Variants in ZNF804A observed in about 807,000 individuals in gnomAD.
ZNF804A encodes zinc finger protein 804A.
A neutral mutation model predicts 16.5 loss-of-function variants in ZNF804A; 2 were observed. The ratio of observed to expected loss-of-function variants is 0.12; its 90% CI spans 0.05 to 0.38. The LOEUF (loss-of-function observed/expected upper bound fraction) is 0.38, where lower values mean the gene tolerates loss of function less well. ZNF804A is among the 10% of genes least tolerant of loss of function. The pLI is 0.99. For synonymous variants in ZNF804A, 534 were observed against 489.6 expected (o/e 1.09, Z -1.20); for missense variants, 1,473 against 1,390.7 (o/e 1.06, Z -0.94).
rs149962176 is a variant in ZNF804A at position 184,938,744 on chromosome 2, C to T, written c.3348C>T (p.Ala1116=). The T allele has an allele frequency of 7.5e-5, 121 of 1,606,490 alleles. No homozygotes were observed. Among genetic ancestry groups the T allele is most frequent in the Non-Finnish European group, 9.8e-5 (115 of 1,175,820 alleles). Residue 1116 remains alanine (A), a synonymous_variant, in exon 4 of 4, where the codon GCC becomes GCT. Coordinates refer to ENST00000302277, the MANE Select transcript of ZNF804A (RefSeq NM_194250.2). ...HAAAAAAAAA[A]AAAGTFKVLQ... ...CAGCTGCTGCAGCTGCAGCTGCAGC[C>T]GCAGCTGCAGGAACCTTTAAAGTGC...
rs1469091737 is a variant in ZNF804A at position 184,937,024 on chromosome 2, A to T, written c.1628A>T (p.Asn543Ile). The T allele has an allele frequency of 6.2e-7, 1 of 1,613,184 alleles. No homozygotes were observed. Among genetic ancestry groups the T allele is most frequent in the Non-Finnish European group, 8.5e-7 (1 of 1,179,660 alleles). The change falls in exon 4 of 4, where the codon AAC (asparagine) becomes ATC (isoleucine). Residue 543 changes from asparagine to isoleucine, a missense_variant. By Grantham distance (149) the Asn-to-Ile change is moderately radical. Coordinates refer to ENST00000302277, the MANE Select transcript of ZNF804A (RefSeq NM_194250.2). ...AGTTGTGATTCTGGAAAAAATGAGAACACAGGTCAGAGGTATAAAAACATT... is the reference window on the plus strand; with the variant it reads ...AGTTGTGATTCTGGAAAAAATGAGATCACAGGTCAGAGGTATAAAAACATT... Reference protein sequence around the residue: ...SSSCDSGKNENTGQRYKNISC... With the variant: ...SSSCDSGKNEITGQRYKNISC...
intron 2 of ZNF804A, among the ~76,000 whole-genome samples, chr2:184,894,122 T>C (rs1056551981): frequency 3.3e-5 from 5 of 152,152 alleles, no homozygotes; most frequent in African/African-American, 1.2e-4. Flanking sequence ...AACAAGGTGT[T>C]CCTAGATTTA....
At chr2:184,624,945 A>G (rs2105682475) in intron 1 of ZNF804A, among the ~76,000 whole-genome samples, 1 of 152,262 alleles carries the variant, frequency 6.6e-6, no homozygotes, top group East Asian at 1.9e-4. Flanking sequence ...CCAGTATTAT[A>G]TTACTTACAG....
chr2:184,858,265 A>T lies in ZNF804A; in HGVS notation c.112-8104A>T, dbSNP rs542988728. 3.2e-4 allele frequency among the ~76,000 whole-genome samples: 49 copies of T among 152,154 alleles called. No homozygotes were observed. The South Asian group carries it at 6.9e-3, about 21-fold the overall frequency. Reference sequence around the variant, plus strand: ...ACACCTGTAATCCCAGCAATTTGGGAGGCCGAGGCAGGTGGATCACCTGAG... The same window carrying T: ...ACACCTGTAATCCCAGCAATTTGGGTGGCCGAGGCAGGTGGATCACCTGAG... On this transcript the variant is annotated intron_variant, in intron 1 of 3. Coordinates refer to ENST00000302277, the MANE Select transcript of ZNF804A (RefSeq NM_194250.2).
intron 1 of ZNF804A, among the ~76,000 whole-genome samples, chr2:184,721,368 G>C (rs1693312040): frequency 6.6e-6 from 1 of 151,974 alleles, no homozygotes; most frequent in African/African-American, 2.4e-5. Context: ...CTAATGCCTA[G>C]AATATACAAT....
intron 1 of ZNF804A, among the ~76,000 whole-genome samples, chr2:184,605,672 A>T (rs1471866718): frequency 6.6e-6 from 1 of 152,136 alleles, no homozygotes; most frequent in Non-Finnish European, 1.5e-5. Flanking sequence ...AGAATAAGGG[A>T]GGATGTGTAT....
At chr2:184,622,647 T>A (rs1691437376) in intron 1 of ZNF804A, among the ~76,000 whole-genome samples, 1 of 151,936 alleles carries the variant, frequency 6.6e-6, no homozygotes, top group Non-Finnish European at 1.5e-5. Context: ...TTATTAGTTT[T>A]TAAGTTGCTT....
intron 1 of ZNF804A, among the ~76,000 whole-genome samples, chr2:184,607,628 A>G (rs1223604147): frequency 1.3e-5 from 2 of 152,124 alleles, no homozygotes; most frequent in East Asian, 3.9e-4. Flanking sequence ...GGGAACTACA[A>G]TTCAAGATGA....
chr2:184,645,960 T>G (rs972341110), intron 1 of ZNF804A, among the ~76,000 whole-genome samples: 4 of 152,026 alleles, frequency 2.6e-5, no homozygotes, highest in African/African-American at 9.7e-5. Context: ...CAAGTCAGGA[T>G]GAGGGAGAGC....
intron 1 of ZNF804A, among the ~76,000 whole-genome samples, chr2:184,613,897 C>G (rs1160457389): frequency 6.6e-6 from 1 of 152,166 alleles, no homozygotes; most frequent in Admixed American, 6.5e-5. Context: ...CCCCATCAAG[C>G]TACCATTGAC....
intron 1 of ZNF804A, among the ~76,000 whole-genome samples, chr2:184,750,602 C>T (rs946202058): frequency 6.6e-6 from 1 of 151,254 alleles, no homozygotes; most frequent in South Asian, 2.1e-4. Flanking sequence ...AAAAATGTCA[C>T]CACAATCCAT....
chr2:184,821,422 A>T (rs1172513663), intron 1 of ZNF804A, among the ~76,000 whole-genome samples: 1 of 152,172 alleles, frequency 6.6e-6, no homozygotes, highest in African/African-American at 2.4e-5. Context: ...CCCAAGGTGG[A>T]TTAAAGATTT....
chr2:184,722,389 A>G (rs1693332970), intron 1 of ZNF804A, among the ~76,000 whole-genome samples: 1 of 152,024 alleles, frequency 6.6e-6, no homozygotes, highest in African/African-American at 2.4e-5. Context: ...ATGTTTTTAG[A>G]ATTTTGAGTT....
intron 1 of ZNF804A, among the ~76,000 whole-genome samples, chr2:184,816,329 G>A (rs1239499804): frequency 6.6e-6 from 1 of 151,828 alleles, no homozygotes; most frequent in Non-Finnish European, 1.5e-5. Flanking sequence ...CTTTTACTTG[G>A]AATACAGTTT....
chr2:184,895,474 A>G (rs1685050079), intron 2 of ZNF804A, among the ~76,000 whole-genome samples: 1 of 151,952 alleles, frequency 6.6e-6, no homozygotes, highest in Non-Finnish European at 1.5e-5. Context: ...AGCAGAGAGA[A>G]CACACACACA....
At position 184,841,294 on chromosome 2, in the gene ZNF804A, T is replaced by C. The variant is rs184925359; in HGVS notation, c.112-25075T>C. ...ACTTCTACTTTCACCACAAGTAGGCTATCAAAATATCTTCTAACTAAATAT... is the reference window on the plus strand; with the variant it reads ...ACTTCTACTTTCACCACAAGTAGGCCATCAAAATATCTTCTAACTAAATAT... On this transcript the variant is annotated intron_variant, in intron 1 of 3. Transcript: ENST00000302277. 7.0e-4 allele frequency among the ~76,000 whole-genome samples: 107 copies of C among 152,326 alleles called. 1 individual carries two copies. The highest frequency in any genetic ancestry group is 3.9e-3 in the Admixed American group (60 of 15,286).
At chr2:184,847,835 G>C (rs1695544162) in intron 1 of ZNF804A, among the ~76,000 whole-genome samples, 1 of 151,994 alleles carries the variant, frequency 6.6e-6, no homozygotes, top group African/African-American at 2.4e-5. Flanking sequence ...ATGACTCAGA[G>C]AACTCAGGCA....
chr2:184,874,091 A>G (rs528386400), intron 2 of ZNF804A, among the ~76,000 whole-genome samples: 2 of 152,272 alleles, frequency 1.3e-5, no homozygotes, highest in Admixed American at 6.5e-5. Flanking sequence ...AAAAATAGTG[A>G]ACAAAAGATT....
chr2:184,638,769 T>A (rs1691743906), intron 1 of ZNF804A, among the ~76,000 whole-genome samples: 1 of 151,668 alleles, frequency 6.6e-6, no homozygotes, highest in African/African-American at 2.4e-5. Context: ...TTCAATGGTT[T>A]AAAAATCACA....
Sources: allele counts gnomAD v4.1 joint callset (sites outside exome capture counted in the v4.1 genomes callset), GRCh38; gene constraint gnomAD v4.1.1; transcripts MANE v1.5; gene names NCBI Gene and HGNC (gene_info 2026-07-23, HGNC 2026-07-21).